Variants in FDPS observed in about 807,000 individuals in gnomAD.
The protein encoded by FDPS is farnesyl pyrophosphate synthase.
FDPS carries 29 observed loss-of-function variants against 49.5 expected under a neutral mutation model. The ratio of observed to expected loss-of-function variants is 0.59; its 90% confidence interval spans 0.44 to 0.80. The LOEUF (loss-of-function observed/expected upper bound fraction) is 0.80, where lower values mean the gene tolerates loss of function less well. Ranked by LOEUF, FDPS falls within the 30% of genes least tolerant of loss-of-function variation. The pLI, the probability that FDPS is intolerant of heterozygous loss-of-function variation, is 0.00. For missense variants in FDPS, 414 were observed against 525.6 expected, an observed-to-expected ratio of 0.79 and a Z score of 2.08; for synonymous variants, 172 against 206.4, an observed-to-expected ratio of 0.83 and a Z score of 1.43.
At chr1:155,312,556 C>T in intron 4 of FDPS, 161 bp downstream of exon 4, 1 of 714,550 alleles carries the variant, frequency 1.4e-6, no homozygotes, top group South Asian at 1.8e-5. Context: ...CAAGGGTTAA[C>T]TAATGTGGGG....
At position 155,318,378 on chromosome 1, in the gene FDPS, G is replaced by A; in HGVS notation, c.684+87G>A. 6.5e-7 allele frequency: 1 copy of A among 1,543,588 alleles called. No individual in the cohort carries two copies. Among genetic ancestry groups the A allele is most frequent in the Non-Finnish European group, 8.8e-7 (1 of 1,132,100 alleles). ...ACATGCTCATCTAGCTGGTTTCAGG[G>A]TACAGGATTGCAGCGTGCCTGGAAG... On this transcript the variant is annotated intron_variant, in intron 6 of 10. Coordinates refer to ENST00000368356, the MANE Select transcript of FDPS (RefSeq NM_002004.4). The surrounding 1 kb of genome is among the most constrained non-coding windows in gnomAD (Gnocchi z 4.2).
intron 4 of FDPS, chr1:155,317,300 G>A (rs996534432): frequency 6.6e-6 from 1 of 152,168 alleles, no homozygotes; most frequent in Non-Finnish European, 1.5e-5. Context: ...GAGGTTTTTG[G>A]CAAGAATAGA....
In FDPS at chr1:155,320,439, G is replaced by A. The variant is rs778241023; in HGVS notation, c.1090G>A (p.Val364Met). 6.2e-7 allele frequency: 1 copy of A among 1,613,668 alleles called. No individual in the cohort carries two copies. The highest frequency in any genetic ancestry group is 1.7e-5 in the Admixed American group (1 of 60,004). ...TTACGGGCAGAAGGAGGCTGAGAAA[G>A]TGGCCCGGGTGAAGGCGCTATATGA... is the stretch of plus-strand genomic sequence containing the variant. The part of the protein sequence containing the change: ...ENYGQKEAEK[V>M]ARVKALYEEL... Residue 364 changes from valine (V) to methionine (M), a missense_variant, in exon 11 of 11, where the codon GTG becomes ATG. Coordinates refer to ENST00000368356, the MANE Select transcript of FDPS (RefSeq NM_002004.4).
chr1:155,313,267 C>A lies in FDPS; in HGVS notation c.480+872C>A, dbSNP rs184143352. On this transcript the variant is annotated intron_variant, in intron 4 of 10. Transcript: ENST00000368356. Reference sequence around the variant, plus strand: ...TGTGCTTTCTCTAGTTTGCTCCAATCCCCACATCCCCTTGTCTTCTATACC... The same window carrying A: ...TGTGCTTTCTCTAGTTTGCTCCAATACCCACATCCCCTTGTCTTCTATACC... Among the ~76,000 whole-genome samples the A allele has an allele frequency of 1.2e-4, 19 of 152,326 alleles. No homozygotes were observed. In the East Asian group the frequency reaches 3.1e-3, roughly 25 times the overall value.
At chr1:155,315,587 G>A (rs1367323411) in intron 4 of FDPS, among the ~76,000 whole-genome samples, 1 of 152,164 alleles carries the variant, frequency 6.6e-6, no homozygotes, top group Non-Finnish European at 1.5e-5. Flanking sequence ...GGAGGCTGAG[G>A]TAGGAGAATG....
Position 155,319,785 on chromosome 1 carries a change from C to T in FDPS, c.925-9C>T. On this transcript the variant is annotated splice_polypyrimidine_tract_variant and intron_variant, in intron 9 of 10. Transcript: ENST00000368356. ...TTCCTCTTTTGCTGCCCTCCCCCTC[C>T]CTGCCCAGGATGATTACCTTGACCT... 1 of 1,614,170 alleles carries T rather than the reference C, an allele frequency of 6.2e-7. No individual in the cohort carries two copies. Among genetic ancestry groups the T allele is most frequent in the Non-Finnish European group, 8.5e-7 (1 of 1,180,028 alleles).
intron 3 of FDPS, 53 bp from the exon 4 acceptor site, chr1:155,312,202 C>T (rs1648868885): frequency 2.5e-6 from 4 of 1,598,150 alleles, no homozygotes; most frequent in East Asian, 4.5e-5. Context: ...AGAAAACTCA[C>T]AGTAGCTGCT....
At chr1:155,314,371 G>A (rs544196133) in intron 4 of FDPS, among the ~76,000 whole-genome samples, 8 of 151,332 alleles carry the variant, frequency 5.3e-5, no homozygotes, top group Admixed American at 5.3e-4. Flanking sequence ...TAGAGACTAG[G>A]TTTCACCATG....
intron 1 of FDPS, chr1:155,309,587 T>C: frequency 2.0e-6 from 1 of 502,868 alleles, no homozygotes; most frequent in South Asian, 3.8e-5. Context: ...TGGTGATTAG[T>C]TGGGTCTCAG....
rs1007922025 is a variant in FDPS at position 155,312,579 on chromosome 1, C to T, written c.480+184C>T. ...AACTAATGTGGGGAGCCTCTTTTGG[C>T]ATTAGGTATGAAGATGGCTGTAGAT... On this transcript the variant is annotated intron_variant, in intron 4 of 10. Coordinates refer to ENST00000368356, the MANE Select transcript of FDPS (RefSeq NM_002004.4). The T allele has an allele frequency of 9.5e-6, 6 of 629,292 alleles. No individual in the cohort carries two copies. The African/African-American group carries it at 1.1e-4, about 12-fold the overall frequency. 39.0% of individuals were successfully genotyped at this position (629,292 alleles called of 1,614,324 possible).
chr1:155,315,145 T>C (rs1649189985), intron 4 of FDPS, among the ~76,000 whole-genome samples: 1 of 152,244 alleles, frequency 6.6e-6, no homozygotes, highest in Non-Finnish European at 1.5e-5. Flanking sequence ...GCAACGGTCC[T>C]TTCCCCACGG....
Position 155,318,998 on chromosome 1 carries a change from AAACGTG to A in FDPS, c.846+74_846+79del. The A allele has an allele frequency of 8.9e-7, 1 of 1,123,468 alleles. No homozygotes were observed. Among genetic ancestry groups the A allele is most frequent in the Non-Finnish European group, 1.4e-6 (1 of 736,832 alleles). The allele number at this position is 1,123,468 out of a possible 1,614,324, so 69.6% of individuals were successfully genotyped here. A position where few individuals can be genotyped will look rare whatever the true frequency, so the allele number is the denominator to read the frequency against. On this transcript the variant is annotated intron_variant, in intron 8 of 10. Transcript: ENST00000368356. The surrounding 1 kb of genome is among the most constrained non-coding windows in gnomAD (Gnocchi z 4.2). ...TTTGGACAGCAAGGCATAGAGCAGA[AAACGTG>A]AACACTGCTACCCCTGGTGAAAAAC...
rs1266166601 is a variant in FDPS at position 155,320,650 on chromosome 1, ATAAT to A, written c.*42_*45del. ...GGCGGGGAGAGGAGGCTCTCAATAA[ATAAT>A]CGTGTAACCTTCTTGTGGTTCTGTT... On this transcript the variant is annotated 3_prime_UTR_variant, in exon 11 of 11. Transcript: ENST00000368356. 1.9e-6 allele frequency: 3 copies of A among 1,606,386 alleles called. No homozygotes were observed. The highest frequency in any genetic ancestry group is 1.7e-6 in the Non-Finnish European group (2 of 1,173,326).
Position 155,318,520 on chromosome 1 carries a change from G to A in FDPS, c.685-145G>A, listed in dbSNP as rs894866946. On this transcript the variant is annotated intron_variant, in intron 6 of 10. Transcript: ENST00000368356. This position sits in a 1 kb window ranked among gnomAD's most constrained non-coding sequence, Gnocchi z 4.2. Reference sequence around the variant, plus strand: ...TAAAGGACTGTGTGTATGAATATGGGCCTTAAGTTTTGGGGCTTTCTCCCC... The same window carrying A: ...TAAAGGACTGTGTGTATGAATATGGACCTTAAGTTTTGGGGCTTTCTCCCC... 2 of 818,788 alleles carry A rather than the reference G, an allele frequency of 2.4e-6. No individual in the cohort carries two copies. Among genetic ancestry groups the A allele is most frequent in the African/African-American group, 1.7e-5 (1 of 57,876 alleles). 50.7% of individuals were successfully genotyped at this position (818,788 alleles called of 1,614,324 possible).
chr1:155,320,172 T>G (rs1488234265), intron 10 of FDPS: 1 of 644,174 alleles, frequency 1.6e-6, no homozygotes, highest in Non-Finnish European at 2.7e-6. Context: ...GGTCCCAAAT[T>G]TCAATAGTGC....
intron 3 of FDPS, among the ~76,000 whole-genome samples, chr1:155,310,862 G>T (rs1648729024): frequency 6.6e-6 from 1 of 152,180 alleles, no homozygotes; most frequent in South Asian, 2.1e-4. Context: ...TGGGGCCTGA[G>T]TGAAGTTATT....
At chr1:155,312,637 C>T (rs973066799) in intron 4 of FDPS, 20 of 455,336 alleles carry the variant, frequency 4.4e-5, no homozygotes, top group African/African-American at 3.7e-4. Flanking sequence ...GGCCTCGAGA[C>T]TGGGCAGAGA....
Position 155,320,469 on chromosome 1 carries a change from C to T in FDPS, c.1120C>T (p.Leu374=), listed in dbSNP as rs1214514538. Residue 374 remains leucine (L), a synonymous_variant, in exon 11 of 11, where the codon CTG becomes TTG. Coordinates refer to ENST00000368356, the MANE Select transcript of FDPS (RefSeq NM_002004.4). Reference sequence around the variant, plus strand: ...CCGGGTGAAGGCGCTATATGAGGAGCTGGATCTGCCAGCAGTGTTCTTGCA... The same window carrying T: ...CCGGGTGAAGGCGCTATATGAGGAGTTGGATCTGCCAGCAGTGTTCTTGCA... ...VARVKALYEE[L]DLPAVFLQYE... 1 of 1,613,878 alleles carries T rather than the reference C, an allele frequency of 6.2e-7. No homozygotes were observed. Among genetic ancestry groups the T allele is most frequent in the Admixed American group, 1.7e-5 (1 of 60,014 alleles).
rs996339545 is a variant in FDPS, at chr1:155,310,636, G to A, written c.339+431G>A. Among the ~76,000 whole-genome samples the A allele has an allele frequency of 4.6e-5, 7 of 152,254 alleles. No homozygotes were observed. In the East Asian group the frequency reaches 9.7e-4, roughly 21 times the overall value. On this transcript the variant is annotated intron_variant, in intron 3 of 10. Transcript: ENST00000368356. Reference sequence around the variant, plus strand: ...GAGAAAGCTTTTACCTGAGGGACTCGAGTCTGCTCTGGAGAGGTTGGGGCC... The same window carrying A: ...GAGAAAGCTTTTACCTGAGGGACTCAAGTCTGCTCTGGAGAGGTTGGGGCC...
Sources: gnomAD v4.1 joint callset for allele counts (sites outside exome capture counted in the v4.1 genomes callset) on GRCh38, gnomAD v4.1.1 for gene constraint, Gnocchi (gnomAD v3.1) non-coding constraint, MANE v1.5 for transcripts, NCBI Gene and HGNC (gene_info 2026-07-23, HGNC 2026-07-21) for gene names.